Variants in NSUN3 observed in about 807,000 individuals in gnomAD.
The protein encoded by NSUN3 is tRNA (cytosine(34)-C(5))-methyltransferase, mitochondrial.
A neutral mutation model predicts 36.8 loss-of-function variants in NSUN3; 24 were observed. The ratio of observed to expected loss-of-function variants is 0.65; its 90% CI spans 0.47 to 0.92. The LOEUF is 0.92. Among genes scored for constraint, NSUN3 ranks in the 40% least tolerant of loss-of-function variants. The pLI is 0.00. For synonymous variants in NSUN3, 146 were observed against 145.2 expected, an observed-to-expected ratio of 1.01 and a Z score of -0.04; for missense variants, 381 against 392.8, an observed-to-expected ratio of 0.97 and a Z score of 0.25.
intron 1 of NSUN3, 92 bp downstream of exon 1, chr3:94,063,230 A>G: frequency 7.9e-7 from 1 of 1,264,670 alleles, no homozygotes; most frequent in South Asian, 1.2e-5. Flanking sequence ...GGATGGGGGA[A>G]CATCACCTTT....
chr3:94,118,507 A>G (rs1220756746), intron 5 of NSUN3, among the ~76,000 whole-genome samples: 2 of 152,104 alleles, frequency 1.3e-5, no homozygotes, highest in Non-Finnish European at 2.9e-5. Flanking sequence ...GTTAGTGATA[A>G]TTTCATGCAT....
intron 4 of NSUN3, 90 bp downstream of exon 4, chr3:94,094,384 GA>G: frequency 7.7e-7 from 1 of 1,297,652 alleles, no homozygotes; most frequent in Non-Finnish European, 1.1e-6. Context: ...TCTGTTCTCA[GA>G]CATAGCCTGA....
chr3:94,104,169 T>C (rs2077377064), intron 5 of NSUN3, among the ~76,000 whole-genome samples: 1 of 152,192 alleles, frequency 6.6e-6, no homozygotes, highest in South Asian at 2.1e-4. Flanking sequence ...ATAACCTAAA[T>C]GCTCCCCATT....
rs2077485922 is a variant in NSUN3, at chr3:94,126,356, A to G, written c.889A>G (p.Thr297Ala). ...MPMDIKGIAR[T>A]CSHDFTFAPT... ...TATGGACATTAAAGGAATAGCAAGG[A>G]CTTGCTCCCACGACTTCACATTTGC... Residue 297 changes from threonine (T) to alanine (A), a missense_variant, in exon 6 of 6, where the codon ACT (threonine) becomes GCT (alanine). Coordinates refer to ENST00000314622, the MANE Select transcript of NSUN3 (RefSeq NM_022072.5). The G allele has an allele frequency of 6.2e-7, 1 of 1,614,150 alleles. No individual in the cohort carries two copies. Among genetic ancestry groups the G allele is most frequent in the East Asian group, 2.2e-5 (1 of 44,868 alleles).
intron 5 of NSUN3, among the ~76,000 whole-genome samples, chr3:94,107,683 A>G (rs1314567782): frequency 1.3e-5 from 2 of 152,120 alleles, no homozygotes; most frequent in Non-Finnish European, 2.9e-5. Flanking sequence ...TTTTGTTACT[A>G]GAAAGGCAGT....
At chr3:94,070,567 G>A (rs569011167) in intron 2 of NSUN3, among the ~76,000 whole-genome samples, 2 of 152,270 alleles carry the variant, frequency 1.3e-5, no homozygotes, top group South Asian at 2.1e-4. Context: ...GCAAGTGACC[G>A]CAGTCAGTTT....
intron 2 of NSUN3, chr3:94,075,914 C>T (rs1433164821): frequency 1.1e-5 from 15 of 1,409,684 alleles, no homozygotes; most frequent in Non-Finnish European, 1.5e-5. Flanking sequence ...GTATCTAGGA[C>T]CCTTGTCCTT....
At chr3:94,094,009 A>G (rs976936769) in intron 3 of NSUN3, 131 bp from the exon 4 acceptor site, 1 of 654,672 alleles carries the variant, frequency 1.5e-6, no homozygotes, top group Non-Finnish European at 2.6e-6. Context: ...GAAAATAATA[A>G]TGTTTACCTC....
intron 3 of NSUN3, among the ~76,000 whole-genome samples, chr3:94,087,924 C>T (rs1320382798): frequency 2.0e-5 from 3 of 152,174 alleles, no homozygotes; most frequent in Non-Finnish European, 2.9e-5. Flanking sequence ...CTGCCTTGAC[C>T]TCCCAAAATG....
intron 5 of NSUN3, among the ~76,000 whole-genome samples, chr3:94,099,457 G>A (rs1202430485): frequency 1.3e-5 from 2 of 152,106 alleles, no homozygotes; most frequent in Admixed American, 6.6e-5. Context: ...GCACAAAACT[G>A]ACATCACATT....
intron 2 of NSUN3, among the ~76,000 whole-genome samples, chr3:94,064,990 G>A (rs1475523226): frequency 6.6e-6 from 1 of 152,106 alleles, no homozygotes; most frequent in Non-Finnish European, 1.5e-5. Flanking sequence ...TATGTCGATG[G>A]CTGGGTATAT....
intron 3 of NSUN3, among the ~76,000 whole-genome samples, chr3:94,085,874 C>T (rs1442152997): frequency 6.6e-6 from 1 of 151,812 alleles, no homozygotes; most frequent in Non-Finnish European, 1.5e-5. Context: ...GGTAAGCACT[C>T]TTTAAGTCCA....
intron 5 of NSUN3, among the ~76,000 whole-genome samples, chr3:94,103,392 A>G (rs1178014309): frequency 6.6e-6 from 1 of 151,988 alleles, no homozygotes; most frequent in Non-Finnish European, 1.5e-5. Context: ...AATAAGCAAC[A>G]GGTAAATATT....
intron 5 of NSUN3, among the ~76,000 whole-genome samples, chr3:94,105,871 T>C (rs946636515): frequency 7.3e-6 from 1 of 137,488 alleles, no homozygotes; most frequent in African/African-American, 3.0e-5. Flanking sequence ...GTGGTTTTCT[T>C]GAAGGCTTTT....
chr3:94,112,680 T>A (rs1436384061), intron 5 of NSUN3, among the ~76,000 whole-genome samples: 1 of 152,166 alleles, frequency 6.6e-6, no homozygotes, highest in Non-Finnish European at 1.5e-5. Flanking sequence ...ATCTCATGGA[T>A]CAGACGTAGT....
Position 94,110,816 on chromosome 3 carries a change from ATG to A in NSUN3, c.744-15369_744-15368del, listed in dbSNP as rs541709907. Among the ~76,000 whole-genome samples the A allele has an allele frequency of 2.7e-3, 391 of 145,874 alleles. 2 individuals carry two copies. Among genetic ancestry groups the A allele is most frequent in the South Asian group, 3.9e-3 (18 of 4,580 alleles). ...TATATGTATGCACATATATACATAT[ATG>A]TGTGTGTGTGTGTGTGTGTGTGTGT... On this transcript the variant is annotated intron_variant, in intron 5 of 5. Transcript: ENST00000314622.
chr3:94,067,755 C>T (rs1194313117), intron 2 of NSUN3, among the ~76,000 whole-genome samples: 1 of 152,068 alleles, frequency 6.6e-6, no homozygotes, highest in Non-Finnish European at 1.5e-5. Context: ...AGCTGAGGCA[C>T]ACAGAGGTTA....
In NSUN3 at chr3:94,064,524, G is replaced by A. The variant is rs766560223; in HGVS notation, c.100G>A (p.Gly34Arg). The change falls in exon 2 of 6, where the codon GGA becomes AGA. Residue 34 changes from glycine (G) to arginine (R), a missense_variant. Transcript: ENST00000314622. ...TGAAAAACAGTATTCCAAAGAACTC[G>A]GAGATGCCTGGAATACAGTAAGGTT... ...HFEKQYSKEL[G>R]DAWNTVREIL... 8 of 1,603,066 alleles carry A rather than the reference G, an allele frequency of 5.0e-6. No homozygotes were observed. The East Asian group carries it at 6.7e-5, about 13-fold the overall frequency.
chr3:94,077,901 A>G (rs2077253360), intron 2 of NSUN3, among the ~76,000 whole-genome samples: 1 of 152,060 alleles, frequency 6.6e-6, no homozygotes, highest in African/African-American at 2.4e-5. Context: ...TCCTGGATTC[A>G]TTGATTTTTT....
Sources: allele counts gnomAD v4.1 joint callset (sites outside exome capture counted in the v4.1 genomes callset), GRCh38; gene constraint gnomAD v4.1.1; transcripts MANE v1.5; gene names NCBI Gene and HGNC (gene_info 2026-07-23, HGNC 2026-07-21).